ZNF326: variants seen among roughly 807,000 people sequenced by gnomAD.
ZNF326 encodes the protein zinc finger protein 326, also known as DBIRD complex subunit ZNF326.
In ZNF326, 30 loss-of-function variants were observed where a neutral mutation model predicts 63.1. The observed-to-expected ratio is 0.48, with a 90% CI of 0.36 to 0.64. The LOEUF is 0.64. Ranked by LOEUF, ZNF326 falls within the 30% of genes least tolerant of loss-of-function variation. ZNF326 has a pLI of 0.00. For missense variants in ZNF326, 609 were observed against 720.3 expected (o/e 0.85, Z 1.77); for synonymous variants, 194 against 228.2 (o/e 0.85, Z 1.35).
rs1008458343 is a variant in ZNF326, at chr1:90,031,272, G to A, written c.*3571G>A. On this transcript the variant is annotated 3_prime_UTR_variant, in exon 12 of 12. Coordinates refer to ENST00000340281, the MANE Select transcript of ZNF326 (RefSeq NM_182976.4). ...GAGTAGTAATTTTCCCATATAATAAGCCCACTCTTGTACATGTAGAAACAG... is the reference window on the plus strand; with the variant it reads ...GAGTAGTAATTTTCCCATATAATAAACCCACTCTTGTACATGTAGAAACAG... 2.0e-5 allele frequency: 3 copies of A among 152,026 alleles called. No individual in the cohort carries two copies. The highest frequency in any genetic ancestry group is 7.3e-5 in the African/African-American group (3 of 41,330). 9.4% of individuals were successfully genotyped at this position (152,026 alleles called of 1,614,324 possible).
chr1:90,027,508 A>G lies in ZNF326; in HGVS notation c.1556A>G (p.Glu519Gly), dbSNP rs74973117. 143 of 1,612,514 alleles carry G rather than the reference A, an allele frequency of 8.9e-5. No homozygotes were observed. The African/African-American group carries it at 1.7e-3, about 20-fold the overall frequency. The change falls in exon 12 of 12, where the codon GAA (glutamate) becomes GGA (glycine). Residue 519 changes from glutamate to glycine, a missense_variant. Glu to Gly is a moderately conservative substitution (Grantham distance 98, BLOSUM62 -2). Around this residue, in one of 3 missense-constraint regions of ZNF326, gnomAD observed 399 missense variants for 444.3 expected, o/e 0.90. Coordinates refer to ENST00000340281, the MANE Select transcript of ZNF326 (RefSeq NM_182976.4). ...AEEVGEVEEV[E>G]EVEEVREGGI... Reference sequence around the variant, plus strand: ...GAAGTGGGGGAAGTAGAGGAAGTGGAAGAAGTAGAGGAAGTGAGAGAAGGA... The same window carrying G: ...GAAGTGGGGGAAGTAGAGGAAGTGGGAGAAGTAGAGGAAGTGAGAGAAGGA...
intron 2 of ZNF326, among the ~76,000 whole-genome samples, chr1:89,999,691 T>C (rs563846728): frequency 5.9e-5 from 9 of 152,220 alleles, no homozygotes; most frequent in Non-Finnish European, 1.3e-4. Context: ...CTACTCTGAA[T>C]GATTTTGGAA....
In ZNF326 at chr1:90,033,074, A is replaced by T. The variant is rs1650341851; in HGVS notation, c.*5373A>T. 1 of 152,096 alleles carries T rather than the reference A, an allele frequency of 6.6e-6. No individual in the cohort carries two copies. The highest frequency in any genetic ancestry group is 1.5e-5 in the Non-Finnish European group (1 of 68,026). 9.4% of individuals were successfully genotyped at this position (152,096 alleles called of 1,614,324 possible). A position where few individuals can be genotyped will look rare whatever the true frequency, so the allele number is the denominator to read the frequency against. ...TTCCTGTAATCGCAATCTTCAGGGA[A>T]TTTTTCACTCAAGCCCAGAAAATAA... On this transcript the variant is annotated 3_prime_UTR_variant, in exon 12 of 12. Transcript: ENST00000340281.
chr1:90,020,616 A>G (rs1649721554), intron 9 of ZNF326, among the ~76,000 whole-genome samples, 176 bp from the exon 10 acceptor site: 1 of 152,112 alleles, frequency 6.6e-6, no homozygotes, highest in Non-Finnish European at 1.5e-5. Flanking sequence ...GCAATATAGT[A>G]AATCTACATA....
intron 2 of ZNF326, among the ~76,000 whole-genome samples, chr1:90,004,263 A>G (rs926734072): frequency 6.6e-6 from 1 of 152,074 alleles, no homozygotes; most frequent in Non-Finnish European, 1.5e-5. Flanking sequence ...ACAGTGCCAT[A>G]GATTGGTCTC....
intron 11 of ZNF326, among the ~76,000 whole-genome samples, chr1:90,026,731 G>C (rs1329400993): frequency 6.6e-6 from 1 of 152,044 alleles, no homozygotes; most frequent in Admixed American, 6.5e-5. Flanking sequence ...ATATTTTCCT[G>C]CTTAATAACC....
chr1:90,033,805 G>T lies in ZNF326; in HGVS notation c.*6104G>T, dbSNP rs1650374590. ...TGAGATTAAGAGCCATATGTATAGA[G>T]AATTCACCATTGAATACCCTGCATA... On this transcript the variant is annotated 3_prime_UTR_variant, in exon 12 of 12. Coordinates refer to ENST00000340281, the MANE Select transcript of ZNF326 (RefSeq NM_182976.4). 1 of 152,072 alleles carries T rather than the reference G, an allele frequency of 6.6e-6. No homozygotes were observed. Among genetic ancestry groups the T allele is most frequent in the African/African-American group, 2.4e-5 (1 of 41,412 alleles). The allele number at this position is 152,072 out of a possible 1,614,324, so 9.4% of individuals were successfully genotyped here.
intron 11 of ZNF326, among the ~76,000 whole-genome samples, chr1:90,025,659 C>G (rs1349791430): frequency 2.0e-5 from 3 of 152,150 alleles, no homozygotes; most frequent in Non-Finnish European, 2.9e-5. Context: ...ACAACTGCTG[C>G]TGTCTAACTG....
In ZNF326 at chr1:89,995,121, G is replaced by A; in HGVS notation, c.-137G>A. 2 of 1,089,264 alleles carry A rather than the reference G, an allele frequency of 1.8e-6. No individual in the cohort carries two copies. The highest frequency in any genetic ancestry group is 2.6e-6 in the Non-Finnish European group (2 of 771,840). The allele number at this position is 1,089,264 out of a possible 1,614,324, so 67.5% of individuals were successfully genotyped here. The stretch of plus-strand genomic sequence containing the variant: ...GGCCCCGCCTCCCCAGCCTCGCTGT[G>A]GCCTGCGGCTCCCGGGCTGGTAGCG... On this transcript the variant is annotated 5_prime_UTR_variant, in exon 1 of 12. Coordinates refer to ENST00000340281, the MANE Select transcript of ZNF326 (RefSeq NM_182976.4).
chr1:90,017,860 C>T (rs1570313948), intron 8 of ZNF326, among the ~76,000 whole-genome samples: 2 of 152,158 alleles, frequency 1.3e-5, no homozygotes, highest in South Asian at 2.1e-4. Context: ...GCCAGGAATT[C>T]AGAAATAATG....
At chr1:90,015,180 T>G (rs1220790292) in intron 7 of ZNF326, among the ~76,000 whole-genome samples, 1 of 152,190 alleles carries the variant, frequency 6.6e-6, no homozygotes, top group Non-Finnish European at 1.5e-5. Flanking sequence ...GATTCGAGAT[T>G]GAGTAAATCA....
At chr1:90,017,019 T>G (rs575968689) in intron 7 of ZNF326, among the ~76,000 whole-genome samples, 74 of 152,332 alleles carry the variant, frequency 4.9e-4, no homozygotes, top group Middle Eastern at 3.4e-3. Flanking sequence ...TTCTTGAGGT[T>G]TGTTTTGCCT....
chr1:90,026,930 C>G (rs1458436678), intron 11 of ZNF326, among the ~76,000 whole-genome samples: 1 of 151,904 alleles, frequency 6.6e-6, no homozygotes, highest in East Asian at 1.9e-4. Context: ...GTAGATTAAG[C>G]GAGGTACCTG....
At chr1:90,014,777 T>G (rs1213586934) in intron 7 of ZNF326, among the ~76,000 whole-genome samples, 1 of 152,192 alleles carries the variant, frequency 6.6e-6, no homozygotes, top group African/African-American at 2.4e-5. Context: ...GTCCCATTCA[T>G]TATCTCTTGT....
chr1:90,007,946 G>A lies in ZNF326; in HGVS notation c.615+196G>A, dbSNP rs1463294323. Among the ~76,000 whole-genome samples the A allele has an allele frequency of 6.6e-6, 1 of 152,206 alleles. No individual in the cohort carries two copies. Among genetic ancestry groups the A allele is most frequent in the Non-Finnish European group, 1.5e-5 (1 of 68,038 alleles). On this transcript the variant is annotated intron_variant, in intron 5 of 11. Transcript: ENST00000340281. This position sits in a 1 kb window ranked among gnomAD's most constrained non-coding sequence, Gnocchi z 4.9. ...CAGAAAATAAGTGGCAGTTTGAGATGATCATAAAGTTGTGCCAAATCTCCC... is the reference window on the plus strand; with the variant it reads ...CAGAAAATAAGTGGCAGTTTGAGATAATCATAAAGTTGTGCCAAATCTCCC...
Position 90,031,976 on chromosome 1 carries a change from G to T in ZNF326, c.*4275G>T, listed in dbSNP as rs1448465101. 1 of 152,126 alleles carries T rather than the reference G, an allele frequency of 6.6e-6. No homozygotes were observed. The highest frequency in any genetic ancestry group is 1.5e-5 in the Non-Finnish European group (1 of 68,020). 9.4% of individuals were successfully genotyped at this position (152,126 alleles called of 1,614,324 possible). A position where few individuals can be genotyped will look rare whatever the true frequency, so the allele number is the denominator to read the frequency against. On this transcript the variant is annotated 3_prime_UTR_variant, in exon 12 of 12. Transcript: ENST00000340281. ...CAGTTCATTTTATAAATAAACAATT[G>T]ACTTTTTTTGGTAGTTATGGTCCCT...
chr1:90,014,863 T>TG (rs1312563901), intron 7 of ZNF326, among the ~76,000 whole-genome samples: 18 of 152,320 alleles, frequency 1.2e-4, no homozygotes, highest in African/African-American at 4.3e-4. Flanking sequence ...ATCAGCGTCT[T>TG]GGAGTGTAAA....
intron 7 of ZNF326, among the ~76,000 whole-genome samples, chr1:90,016,975 G>A (rs993818559): frequency 6.6e-6 from 1 of 152,196 alleles, no homozygotes; most frequent in African/African-American, 2.4e-5. Flanking sequence ...GGAACAACAT[G>A]TAAAATAAGT....
intron 7 of ZNF326, among the ~76,000 whole-genome samples, chr1:90,016,689 C>T (rs1649518310): frequency 6.6e-6 from 1 of 150,862 alleles, no homozygotes; most frequent in African/African-American, 2.4e-5. Context: ...TGCACTCCAG[C>T]CTGGGCAGCA....
Sources: allele counts gnomAD v4.1 joint callset (sites outside exome capture counted in the v4.1 genomes callset), GRCh38; gene constraint gnomAD v4.1.1; regional missense constraint gnomAD v4.1.1; non-coding constraint Gnocchi (gnomAD v3.1); transcripts MANE v1.5; gene names NCBI Gene and HGNC (gene_info 2026-07-23, HGNC 2026-07-21).